Variants in MBNL1 observed in about 807,000 individuals in gnomAD.
MBNL1 encodes muscleblind like splicing regulator 1.
In MBNL1, 8 loss-of-function variants were observed where a neutral mutation model predicts 42.2. The ratio of observed to expected loss-of-function variants is 0.19; its 90% CI spans 0.11 to 0.34. The LOEUF (loss-of-function observed/expected upper bound fraction) is 0.34. MBNL1 is among the 10% of genes least tolerant of loss of function. The pLI, the probability that MBNL1 is intolerant of heterozygous loss-of-function variation, is 1.00. For missense variants in MBNL1, 309 were observed against 495.3 expected (o/e 0.62, Z 3.57); for synonymous variants, 169 against 173.9 (o/e 0.97, Z 0.22).
chr3:152,379,226 A>G (rs2153383787), intron 2 of MBNL1, among the ~76,000 whole-genome samples: 1 of 152,298 alleles, frequency 6.6e-6, no homozygotes, highest in Middle Eastern at 3.4e-3. Context: ...GATAGACTCT[A>G]CACTGAAGCA....
intron 4 of MBNL1, among the ~76,000 whole-genome samples, chr3:152,433,944 A>G (rs2099043765): frequency 6.6e-6 from 1 of 152,190 alleles, no homozygotes; most frequent in African/African-American, 2.4e-5. Context: ...AGAAAAAGTG[A>G]CAGCATCAAA....
intron 7 of MBNL1, 80 bp downstream of exon 7, chr3:152,455,657 A>G: frequency 7.9e-7 from 1 of 1,259,840 alleles, no homozygotes; most frequent in Non-Finnish European, 1.2e-6. Flanking sequence ...GCTAAGTTTA[A>G]CTTATATCTA....
At chr3:152,446,606 C>A in intron 5 of MBNL1, 1 of 851,806 alleles carries the variant, frequency 1.2e-6, no homozygotes, top group Non-Finnish European at 1.9e-6. Context: ...CAAAAATGCA[C>A]TGCTGCCCCC....
intron 2 of MBNL1, among the ~76,000 whole-genome samples, chr3:152,253,315 T>G (rs2034949815): frequency 6.6e-6 from 1 of 152,180 alleles, no homozygotes; most frequent in Admixed American, 6.6e-5. Context: ...TCACCTACAC[T>G]CCATCTATCA....
chr3:152,425,482 C>T (rs186536261), intron 3 of MBNL1, among the ~76,000 whole-genome samples: 76 of 152,050 alleles, frequency 5.0e-4, no homozygotes, highest in Middle Eastern at 6.8e-3. Context: ...GTGGCACACA[C>T]GTGTAGTCCC....
chr3:152,407,791 A>G (rs1317959948), intron 2 of MBNL1, among the ~76,000 whole-genome samples: 2 of 152,202 alleles, frequency 1.3e-5, no homozygotes, highest in Non-Finnish European at 2.9e-5. Flanking sequence ...ATGGAATACT[A>G]TGCAGCCATA....
upstream of MBNL1, chr3:152,263,698 T>C (rs1015970483): frequency 6.6e-6 from 1 of 152,244 alleles, no homozygotes; most frequent in African/African-American, 2.4e-5. Flanking sequence ...AGTTATCTAG[T>C]TATCTTTGTG....
chr3:152,256,616 A>T (rs1388068525), intron 2 of MBNL1, among the ~76,000 whole-genome samples: 1 of 152,208 alleles, frequency 6.6e-6, no homozygotes, highest in Non-Finnish European at 1.5e-5. Flanking sequence ...AATGAATCAT[A>T]TCACTACATT....
intron 2 of MBNL1, among the ~76,000 whole-genome samples, chr3:152,254,560 T>G (rs1261824166): frequency 1.3e-5 from 2 of 152,310 alleles, no homozygotes; most frequent in East Asian, 3.9e-4. Flanking sequence ...AATATTTTTT[T>G]GTAATTACTT....
intron 2 of MBNL1, chr3:152,396,204 T>C: frequency 2.8e-6 from 1 of 354,510 alleles, no homozygotes; most frequent in Non-Finnish European, 5.7e-6. Flanking sequence ...AGCTCAGGGC[T>C]CCCACTGATT....
At chr3:152,260,297 C>A (rs576398594) in intron 2 of MBNL1, among the ~76,000 whole-genome samples, 3 of 152,252 alleles carry the variant, frequency 2.0e-5, no homozygotes, top group African/African-American at 7.2e-5. Flanking sequence ...ATTGCTAAGC[C>A]CATTGCAGAA....
intron 4 of MBNL1, among the ~76,000 whole-genome samples, chr3:152,433,422 A>C (rs2099032798): frequency 6.6e-6 from 1 of 152,148 alleles, no homozygotes; most frequent in Non-Finnish European, 1.5e-5. Flanking sequence ...TTTTGGTTGA[A>C]GTAGAAAGAA....
At chr3:152,436,638 G>T (rs1345759668) in intron 4 of MBNL1, among the ~76,000 whole-genome samples, 1 of 152,148 alleles carries the variant, frequency 6.6e-6, no homozygotes, top group Non-Finnish European at 1.5e-5. Flanking sequence ...ATTAATAGAT[G>T]ATATTCAAAA....
rs1040933311 is a variant in MBNL1, at chr3:152,464,492, TTGAG to T, written c.*2128_*2131del. 6.6e-6 allele frequency: 1 copy of T among 152,596 alleles called. No individual in the cohort carries two copies. Among genetic ancestry groups the T allele is most frequent in the African/African-American group, 2.4e-5 (1 of 41,466 alleles). The allele number at this position is 152,596 out of a possible 1,614,324, so 9.5% of individuals were successfully genotyped here. A position where few individuals can be genotyped will look rare whatever the true frequency, so the allele number is the denominator to read the frequency against. On this transcript the variant is annotated 3_prime_UTR_variant, in exon 10 of 10. Coordinates refer to ENST00000324210, the MANE Select transcript of MBNL1 (RefSeq NM_021038.5). ...CTATCGCAACAATCCTGGCAGACAA[TTGAG>T]TAATATTTTGATGATTTATTTTGTT...
intron 2 of MBNL1, among the ~76,000 whole-genome samples, chr3:152,312,149 G>A (rs1417930516): frequency 2.2e-5 from 3 of 138,122 alleles, no homozygotes; most frequent in Admixed American, 7.9e-5. Flanking sequence ...CCGAGATCCC[G>A]CCACTGCACT....
intron 2 of MBNL1, chr3:152,244,451 T>C (rs1345948219): frequency 6.6e-6 from 1 of 152,162 alleles, no homozygotes; most frequent in African/African-American, 2.4e-5. Flanking sequence ...GTAAGAACAA[T>C]TATTTGCTAT....
chr3:152,251,331 AT>A (rs1450901195), intron 2 of MBNL1, among the ~76,000 whole-genome samples: 20 of 152,238 alleles, frequency 1.3e-4, no homozygotes, highest in African/African-American at 4.8e-4. Context: ...GTTTTAAAAC[AT>A]TTATACATGG....
At chr3:152,324,778 A>G (rs976269199) in intron 2 of MBNL1, among the ~76,000 whole-genome samples, 6 of 152,040 alleles carry the variant, frequency 3.9e-5, no homozygotes, top group Non-Finnish European at 5.9e-5. Flanking sequence ...TCTGTGCCCA[A>G]ATGTCCTTAT....
At chr3:152,433,860 A>G (rs1434163548) in intron 4 of MBNL1, among the ~76,000 whole-genome samples, 2 of 152,214 alleles carry the variant, frequency 1.3e-5, no homozygotes, top group Non-Finnish European at 2.9e-5. Flanking sequence ...AAAGTTTTAA[A>G]TCTTATTTCA....
Sources: gnomAD v4.1 joint callset for allele counts (sites outside exome capture counted in the v4.1 genomes callset) on GRCh38, gnomAD v4.1.1 for gene constraint, MANE v1.5 for transcripts, NCBI Gene and HGNC (gene_info 2026-07-23, HGNC 2026-07-21) for gene names.